The following PARD3B variants were observed in gnomAD, a reference collection of about 807,000 sequenced individuals.
PARD3B encodes the protein partitioning defective 3 homolog B.
PARD3B carries 103 observed loss-of-function variants against 130.2 expected under a neutral mutation model. The ratio of observed to expected loss-of-function variants is 0.79; its 90% CI spans 0.67 to 0.93. The LOEUF (loss-of-function observed/expected upper bound fraction) is 0.93. Ranked by LOEUF, PARD3B falls within the 40% of genes least tolerant of loss-of-function variation. The pLI, the probability that PARD3B is intolerant of heterozygous loss-of-function variation, is 0.00. For synonymous variants in PARD3B, 583 were observed against 553.2 expected, an observed-to-expected ratio of 1.05 and a Z score of -0.76; for missense variants, 1,609 against 1,499.2, an observed-to-expected ratio of 1.07 and a Z score of -1.21.
intron 2 of PARD3B, among the ~76,000 whole-genome samples, chr2:204,860,985 C>A (rs1347014730): frequency 6.6e-6 from 1 of 152,132 alleles, no homozygotes; most frequent in Non-Finnish European, 1.5e-5. Flanking sequence ...AAATGCTATA[C>A]ATAATTGAAT....
In PARD3B at chr2:205,615,603, T is replaced by C. The variant is rs759383745; in HGVS notation, c.3408T>C (p.Asp1136=). The C allele has an allele frequency of 6.2e-7, 1 of 1,613,950 alleles. No homozygotes were observed. Among genetic ancestry groups the C allele is most frequent in the Non-Finnish European group, 8.5e-7 (1 of 1,179,944 alleles). The change falls in exon 23 of 23, where the codon GAT becomes GAC. Residue 1136 remains aspartate, a synonymous_variant. Coordinates refer to ENST00000406610, the MANE Select transcript of PARD3B (RefSeq NM_001302769.2). ...YPRPTELRVA[D]LRYPQHYPPP... is the part of the protein sequence containing the mutation. ...GCCCCACAGAGCTCAGGGTGGCAGA[T>C]CTCCGGTATCCTCAGCACTACCCAC...
At chr2:205,040,524 T>C (rs1698321374) in intron 3 of PARD3B, among the ~76,000 whole-genome samples, 1 of 152,168 alleles carries the variant, frequency 6.6e-6, no homozygotes, top group South Asian at 2.1e-4. Context: ...TTGAGAGGTA[T>C]TGTTCCAGGT....
At chr2:204,746,684 G>C (rs1574877815) in intron 2 of PARD3B, among the ~76,000 whole-genome samples, 1 of 152,142 alleles carries the variant, frequency 6.6e-6, no homozygotes. Context: ...TAACTGGTGT[G>C]AGATGGTATC....
At chr2:204,911,966 A>G (rs1575284583) in intron 2 of PARD3B, among the ~76,000 whole-genome samples, 1 of 150,672 alleles carries the variant, frequency 6.6e-6, no homozygotes, top group South Asian at 2.1e-4. Context: ...TAATGTTTCA[A>G]TTATGCAGGT....
intron 2 of PARD3B, among the ~76,000 whole-genome samples, chr2:204,723,471 A>G (rs1355487749): frequency 6.6e-6 from 1 of 152,136 alleles, no homozygotes; most frequent in Non-Finnish European, 1.5e-5. Context: ...CATTTGGTTT[A>G]TTGGATTTTT....
chr2:204,972,517 T>A (rs757507171), intron 3 of PARD3B, among the ~76,000 whole-genome samples: 2 of 152,198 alleles, frequency 1.3e-5, no homozygotes, highest in African/African-American at 4.8e-5. Context: ...TTTTGTCTCT[T>A]TAATTTTGTG....
chr2:204,943,841 C>T lies in PARD3B; in HGVS notation c.223-21311C>T, dbSNP rs1370414325. 6.6e-6 allele frequency among the ~76,000 whole-genome samples: 1 copy of T among 152,074 alleles called. No individual in the cohort carries two copies. Among genetic ancestry groups the T allele is most frequent in the Non-Finnish European group, 1.5e-5 (1 of 68,010 alleles). ...ACTGAGGCAACAAAGTTATATATAA[C>T]ACTAGAAAACTGAGATTTCAGAGGG... On this transcript the variant is annotated intron_variant, in intron 2 of 22. Coordinates refer to ENST00000406610, the MANE Select transcript of PARD3B (RefSeq NM_001302769.2). The surrounding 1 kb of genome is among the most constrained non-coding windows in gnomAD (Gnocchi z 4.2).
At chr2:205,216,139 A>G (rs1394968741) in intron 15 of PARD3B, among the ~76,000 whole-genome samples, 2 of 152,176 alleles carry the variant, frequency 1.3e-5, no homozygotes, top group Non-Finnish European at 2.9e-5. Flanking sequence ...AGATTTGTTT[A>G]GAAACACAGA....
chr2:205,302,098 G>A (rs1448157404), intron 18 of PARD3B, among the ~76,000 whole-genome samples: 5 of 107,586 alleles, frequency 4.6e-5, no homozygotes, highest in African/African-American at 1.1e-4. Flanking sequence ...TGAGACAGTC[G>A]CGCTTTGTCG....
Position 205,458,492 on chromosome 2 carries a change from A to G in PARD3B, c.3044+17820A>G, listed in dbSNP as rs536335773. Among the ~76,000 whole-genome samples the G allele has an allele frequency of 6.6e-6, 1 of 152,042 alleles. No homozygotes were observed. The highest frequency in any genetic ancestry group is 1.5e-5 in the Non-Finnish European group (1 of 68,012). ...GCCTGTGTGCTGTGTCCAGTCTTCT[A>G]TTAAACCCTTCTGTTGAGCACTTAA... On this transcript the variant is annotated intron_variant, in intron 20 of 22. Coordinates refer to ENST00000406610, the MANE Select transcript of PARD3B (RefSeq NM_001302769.2). The surrounding 1 kb of genome is among the most constrained non-coding windows in gnomAD (Gnocchi z 4.8).
chr2:205,485,667 G>A (rs1027926862), intron 20 of PARD3B, among the ~76,000 whole-genome samples: 3 of 152,162 alleles, frequency 2.0e-5, no homozygotes, highest in Admixed American at 6.5e-5. Context: ...ATCCCCTTTA[G>A]AAAGATTGGT....
intron 19 of PARD3B, among the ~76,000 whole-genome samples, chr2:205,408,677 A>G (rs1001981334): frequency 6.6e-6 from 1 of 152,146 alleles, no homozygotes; most frequent in Admixed American, 6.6e-5. Context: ...TTGCCAAGCA[A>G]TTCTCAATAA....
chr2:205,195,874 C>T (rs1169045143), intron 15 of PARD3B, among the ~76,000 whole-genome samples: 2 of 151,486 alleles, frequency 1.3e-5, no homozygotes, highest in African/African-American at 4.8e-5. Flanking sequence ...TTTATATTGG[C>T]TATTTCTCAC....
intron 1 of PARD3B, among the ~76,000 whole-genome samples, chr2:204,652,385 G>C (rs2125170252): frequency 6.6e-6 from 1 of 152,212 alleles, no homozygotes; most frequent in African/African-American, 2.4e-5. Flanking sequence ...TCTCTCTCAA[G>C]TTCAAAGTTT....
chr2:204,770,797 G>A (rs73982504), intron 2 of PARD3B, among the ~76,000 whole-genome samples: 40,750 of 151,810 alleles, frequency 0.27, 5,881 homozygotes, highest in African/African-American at 0.39. Context: ...CCTTCCACCT[G>A]TATTAACACC....
At chr2:204,884,010 T>C (rs2046179319) in intron 2 of PARD3B, among the ~76,000 whole-genome samples, 1 of 152,186 alleles carries the variant, frequency 6.6e-6, no homozygotes, top group Non-Finnish European at 1.5e-5. Flanking sequence ...GTGTTGGGAT[T>C]ACAGGTGTGA....
intron 2 of PARD3B, among the ~76,000 whole-genome samples, chr2:204,761,127 G>C (rs985601692): frequency 6.6e-6 from 1 of 152,176 alleles, no homozygotes; most frequent in African/African-American, 2.4e-5. Context: ...CTTGTTAGGG[G>C]TGGAGCTGGG....
chr2:204,851,535 G>A (rs529214632), intron 2 of PARD3B, among the ~76,000 whole-genome samples: 2 of 152,130 alleles, frequency 1.3e-5, no homozygotes, highest in African/African-American at 2.4e-5. Context: ...TTTAAAATGA[G>A]ATTCAGTGAT....
Position 205,538,472 on chromosome 2 carries a change from TACAC to T in PARD3B, c.3181-14834_3181-14831del, listed in dbSNP as rs71410824. Among the ~76,000 whole-genome samples, 229 of 150,850 alleles carry T rather than the reference TACAC, an allele frequency of 1.5e-3. 3 individuals carry two copies. Among genetic ancestry groups the T allele is most frequent in the African/African-American group, 4.6e-3 (188 of 41,250 alleles). On this transcript the variant is annotated intron_variant, in intron 21 of 22. Coordinates refer to ENST00000406610, the MANE Select transcript of PARD3B (RefSeq NM_001302769.2). Reference sequence around the variant, plus strand: ...CAACAATAAGATGGTCACGTGTGTGTACACACACACACACACACACATGCATATC... The same window carrying T: ...CAACAATAAGATGGTCACGTGTGTGTACACACACACACACACATGCATATC...
Sources: allele counts gnomAD v4.1 joint callset (sites outside exome capture counted in the v4.1 genomes callset), GRCh38; gene constraint gnomAD v4.1.1; non-coding constraint Gnocchi (gnomAD v3.1); transcripts MANE v1.5; gene names NCBI Gene and HGNC (gene_info 2026-07-23, HGNC 2026-07-21).